The following CAMTA1 variants were observed in gnomAD, a reference collection of about 807,000 sequenced individuals.
CAMTA1 encodes calmodulin binding transcription activator 1.
A neutral mutation model predicts 170.9 loss-of-function variants in CAMTA1; 27 were observed. That is an observed-to-expected ratio of 0.16 (90% CI 0.12 to 0.22). CAMTA1 has a LOEUF of 0.22. CAMTA1 is among the 10% of genes least tolerant of loss of function. CAMTA1 has a pLI of 1.00. For missense variants in CAMTA1, 1,619 were observed against 2,217.2 expected (o/e 0.73, Z 5.42); for synonymous variants, 833 against 891.5 (o/e 0.93, Z 1.17).
intron 3 of CAMTA1, among the ~76,000 whole-genome samples, chr1:6,852,715 C>T (rs993775778): frequency 4.6e-5 from 7 of 152,222 alleles, no homozygotes; most frequent in South Asian, 4.1e-4. Context: ...TTCACCATCC[C>T]GGAAGCTGTC....
chr1:6,978,323 T>C (rs949134275), intron 3 of CAMTA1, among the ~76,000 whole-genome samples: 3 of 152,126 alleles, frequency 2.0e-5, no homozygotes, highest in African/African-American at 7.2e-5. Flanking sequence ...TATCAAAACA[T>C]CTTATGTACC....
intron 5 of CAMTA1, among the ~76,000 whole-genome samples, chr1:7,440,260 G>A (rs1224288391): frequency 4.6e-5 from 7 of 152,270 alleles, no homozygotes; most frequent in East Asian, 1.9e-4. Context: ...TCCTGACTCC[G>A]CAGCTGCCTC....
At chr1:6,889,143 T>C (rs1171481295) in intron 3 of CAMTA1, among the ~76,000 whole-genome samples, 1 of 152,204 alleles carries the variant, frequency 6.6e-6, no homozygotes, top group Non-Finnish European at 1.5e-5. Context: ...TCCTTTTAAA[T>C]AAAAGCAAAG....
intron 7 of CAMTA1, 59 bp downstream of exon 7, chr1:7,640,612 G>C: frequency 6.2e-7 from 1 of 1,605,614 alleles, no homozygotes; most frequent in Non-Finnish European, 8.5e-7. Flanking sequence ...GCATCAACCA[G>C]GCGGGGCCAG....
At chr1:7,474,714 G>T (rs1305952202) in intron 6 of CAMTA1, among the ~76,000 whole-genome samples, 1 of 152,222 alleles carries the variant, frequency 6.6e-6, no homozygotes, top group Non-Finnish European at 1.5e-5. Flanking sequence ...ACCCTCTTCT[G>T]CAGCCCGGAC....
rs116638584 is a variant in CAMTA1, at chr1:7,541,214, G to A, written c.510+73313G>A. Among the ~76,000 whole-genome samples, 428 of 152,302 alleles carry A rather than the reference G, an allele frequency of 2.8e-3. 1 individual carries two copies. The highest frequency in any genetic ancestry group is 4.9e-3 in the Non-Finnish European group (336 of 68,024). On this transcript the variant is annotated intron_variant, in intron 6 of 22. Transcript: ENST00000303635. ...ATGTCCTCACGTTTTGACGCTTTGG[G>A]ATTTGTTTTCTGACCCTTGGCCTCA...
rs891798319 is a variant in CAMTA1, at chr1:7,374,745, G to T, written c.439-93085G>T. ...GAGAGTTGTGTGCGTGGAAGTGAGG[G>T]CTCAAGGAACTCTCTGGGCTTCTTA... On this transcript the variant is annotated intron_variant, in intron 5 of 22. Coordinates refer to ENST00000303635, the MANE Select transcript of CAMTA1 (RefSeq NM_015215.4). 2.6e-5 allele frequency among the ~76,000 whole-genome samples: 4 copies of T among 152,324 alleles called. No individual in the cohort carries two copies. In the East Asian group the frequency reaches 7.7e-4, roughly 29 times the overall value.
intron 5 of CAMTA1, among the ~76,000 whole-genome samples, chr1:7,297,153 A>T (rs1674073068): frequency 6.6e-6 from 1 of 152,236 alleles, no homozygotes; most frequent in Non-Finnish European, 1.5e-5. Context: ...TTAAATCTGT[A>T]GTCCAATTTT....
intron 5 of CAMTA1, among the ~76,000 whole-genome samples, chr1:7,343,568 C>T (rs942855906): frequency 1.3e-5 from 2 of 152,162 alleles, no homozygotes; most frequent in African/African-American, 4.8e-5. Context: ...ATGCCCATGA[C>T]CTGCTGGTCA....
At chr1:7,537,687 A>T (rs898378872) in intron 6 of CAMTA1, among the ~76,000 whole-genome samples, 9 of 152,148 alleles carry the variant, frequency 5.9e-5, no homozygotes, top group African/African-American at 2.2e-4. Flanking sequence ...TCTTCCCTTA[A>T]AATGAATTTA....
intron 4 of CAMTA1, among the ~76,000 whole-genome samples, chr1:7,198,340 G>T (rs1655962604): frequency 6.6e-6 from 1 of 151,748 alleles, no homozygotes; most frequent in Non-Finnish European, 1.5e-5. Context: ...CCCTACCCCC[G>T]ACCTGTCACT....
At position 6,851,299 on chromosome 1, in the gene CAMTA1, C is replaced by G. The variant is rs1474535530; in HGVS notation, c.234+26089C>G. 2.6e-5 allele frequency among the ~76,000 whole-genome samples: 4 copies of G among 152,026 alleles called. No individual in the cohort carries two copies. In the East Asian group the frequency reaches 7.7e-4, roughly 29 times the overall value. On this transcript the variant is annotated intron_variant, in intron 3 of 22. Transcript: ENST00000303635. ...AGGACTGTAAATGAAATTAAGATGT[C>G]AGTTAATGGGTTTAGCAGTACATTA... is the stretch of plus-strand genomic sequence containing the variant.
At chr1:7,086,764 G>A (rs2148081737) in intron 3 of CAMTA1, among the ~76,000 whole-genome samples, 1 of 152,346 alleles carries the variant, frequency 6.6e-6, no homozygotes, top group Admixed American at 6.5e-5. Context: ...TTCTATGGCT[G>A]AATAACATGC....
At chr1:7,447,039 G>A (rs372804854) in intron 5 of CAMTA1, among the ~76,000 whole-genome samples, 4 of 152,258 alleles carry the variant, frequency 2.6e-5, no homozygotes, top group South Asian at 2.1e-4. Context: ...AGGAGTCAAG[G>A]TGGAGACCGT....
At chr1:7,598,541 C>G (rs1243456828) in intron 6 of CAMTA1, among the ~76,000 whole-genome samples, 1 of 152,218 alleles carries the variant, frequency 6.6e-6, no homozygotes. Flanking sequence ...AACTAGTTTA[C>G]AGTCCCACCA....
chr1:7,389,162 C>A (rs532620403), intron 5 of CAMTA1, among the ~76,000 whole-genome samples: 60 of 152,312 alleles, frequency 3.9e-4, no homozygotes, highest in African/African-American at 1.4e-3. Context: ...TGAGACGACC[C>A]TGGAGAGATC....
chr1:6,990,373 C>T (rs1379375495), intron 3 of CAMTA1, among the ~76,000 whole-genome samples: 4 of 152,132 alleles, frequency 2.6e-5, no homozygotes, highest in African/African-American at 9.7e-5. Context: ...ATCACTTTAA[C>T]AATTTGCTAT....
At chr1:7,008,865 C>T (rs1699387601) in intron 3 of CAMTA1, among the ~76,000 whole-genome samples, 1 of 152,186 alleles carries the variant, frequency 6.6e-6, no homozygotes, top group African/African-American at 2.4e-5. Flanking sequence ...AATTTCTATG[C>T]CTTAAGTGAC....
At chr1:7,566,335 A>G (rs2095041901) in intron 6 of CAMTA1, among the ~76,000 whole-genome samples, 1 of 152,116 alleles carries the variant, frequency 6.6e-6, no homozygotes, top group African/African-American at 2.4e-5. Flanking sequence ...GGTTATTTTT[A>G]AGTATGGAAA....
Sources: allele counts gnomAD v4.1 joint callset (sites outside exome capture counted in the v4.1 genomes callset), GRCh38; gene constraint gnomAD v4.1.1; transcripts MANE v1.5; gene names NCBI Gene and HGNC (gene_info 2026-07-23, HGNC 2026-07-21).